The following SLC12A7 variants were observed in gnomAD, a reference collection of about 807,000 sequenced individuals.
The protein encoded by SLC12A7 is solute carrier family 12 member 7.
SLC12A7 carries 100 observed loss-of-function variants against 120.6 expected under a neutral mutation model. The observed-to-expected ratio is 0.83, with a 90% CI of 0.71 to 0.98. The LOEUF is 0.98. Ranked by LOEUF, SLC12A7 falls within the 50% of genes least tolerant of loss-of-function variation. SLC12A7 has a pLI of 0.00. For missense variants in SLC12A7, 1,373 were observed against 1,548.1 expected (o/e 0.89, Z 1.90); for synonymous variants, 760 against 678.0 (o/e 1.12, Z -1.88).
intron 20 of SLC12A7, among the ~76,000 whole-genome samples, chr5:1,060,819 A>AG (rs1736105246): frequency 6.6e-6 from 1 of 152,166 alleles, no homozygotes; most frequent in South Asian, 2.1e-4. Flanking sequence ...GTCTATGCTC[A>AG]GGGGGGCTTG....
rs928090585 is a variant in SLC12A7 at position 1,081,116 on chromosome 5, A to G, written c.1297+461T>C. On this transcript the variant is annotated intron_variant, in intron 9 of 23. Coordinates refer to ENST00000264930, the MANE Select transcript of SLC12A7 (RefSeq NM_006598.3). The stretch of plus-strand genomic sequence containing the variant: ...GGGAAAAGGGTAGGGGGAGAGAGAA[A>G]GAGTGCCGGAGGAGAGAATGACAGA... Among the ~76,000 whole-genome samples the G allele has an allele frequency of 4.1e-3, 15 of 3,658 alleles. No homozygotes were observed. In the Non-Finnish European group the frequency reaches 0.2, roughly 50 times the overall value. The allele number at this position is 3,658 out of a possible 152,430, so 2.4% of individuals were successfully genotyped here.
intron 21 of SLC12A7, among the ~76,000 whole-genome samples, chr5:1,059,582 C>T (rs1440354074): frequency 3.9e-5 from 6 of 152,228 alleles, no homozygotes; most frequent in Non-Finnish European, 7.3e-5. Context: ...TCCTCCAGTG[C>T]GAAGTGACCA....
At position 1,096,809 on chromosome 5, in the gene SLC12A7, G is replaced by GA. The variant is rs1341746362; in HGVS notation, c.125-2562dup. On this transcript the variant is annotated intron_variant, in intron 1 of 23. Coordinates refer to ENST00000264930, the MANE Select transcript of SLC12A7 (RefSeq NM_006598.3). ...GGAGGGAAGGAAGGAGGGAGGGAAGGAAGGAGGGAAGGGAGGGAAGGAAGG... is the reference window on the plus strand; with the variant it reads ...GGAGGGAAGGAAGGAGGGAGGGAAGGAAAGGAGGGAAGGGAGGGAAGGAAGG... Among the ~76,000 whole-genome samples the GA allele has an allele frequency of 7.4e-4, 42 of 56,910 alleles. 6 individuals carry two copies. Among genetic ancestry groups the GA allele is most frequent in the Admixed American group, 1.4e-3 (6 of 4,286 alleles). 37.3% of individuals were successfully genotyped at this position (56,910 alleles called of 152,430 possible).
At chr5:1,103,890 C>G (rs944952281) in intron 1 of SLC12A7, among the ~76,000 whole-genome samples, 4 of 152,250 alleles carry the variant, frequency 2.6e-5, no homozygotes, top group Admixed American at 6.5e-5. Context: ...CCTCCCTCAG[C>G]AGCCAGAGTG....
the SLC12A7 span, among the ~76,000 whole-genome samples, chr5:1,123,517 C>A: frequency 6.6e-6 from 1 of 152,236 alleles, no homozygotes; most frequent in Admixed American, 6.5e-5. Flanking sequence ...GCCAAAGACC[C>A]CCAGATAAAT....
upstream of SLC12A7, among the ~76,000 whole-genome samples, chr5:1,114,201 C>G (rs1393746641): frequency 2.6e-5 from 4 of 152,356 alleles, no homozygotes; most frequent in East Asian, 7.7e-4. Flanking sequence ...TGACTAGGAC[C>G]AGGGGCCATG....
rs919648264 is a variant in SLC12A7, at chr5:1,052,040, G to C, written c.*320C>G. 7.9e-6 allele frequency: 3 copies of C among 377,374 alleles called. No individual in the cohort carries two copies. Among genetic ancestry groups the C allele is most frequent in the Non-Finnish European group, 1.4e-5 (3 of 210,308 alleles). 23.4% of individuals were successfully genotyped at this position (377,374 alleles called of 1,614,324 possible). ...ATCCAGCCAAGGAAAAGAACTTCCAGAAACCAAGGCAAGGGCTCACTGGCT... is the reference window on the plus strand; with the variant it reads ...ATCCAGCCAAGGAAAAGAACTTCCACAAACCAAGGCAAGGGCTCACTGGCT... On this transcript the variant is annotated 3_prime_UTR_variant, in exon 24 of 24. Transcript: ENST00000264930.
rs1287165785 is a variant in SLC12A7, at chr5:1,078,011, C to A, written c.1455-4G>T. 4 of 1,557,086 alleles carry A rather than the reference C, an allele frequency of 2.6e-6. No individual in the cohort carries two copies. Among genetic ancestry groups the A allele is most frequent in the Non-Finnish European group, 3.5e-6 (4 of 1,152,364 alleles). ...CCCCTGCAGGGCCTCCCCGAACCTG[C>A]AGGCAGGCGGGCAGGCGGGCGGGCG... On this transcript the variant is annotated splice_polypyrimidine_tract_variant and splice_region_variant and intron_variant, in intron 11 of 23. Coordinates refer to ENST00000264930, the MANE Select transcript of SLC12A7 (RefSeq NM_006598.3).
Position 1,074,616 on chromosome 5 carries a change from A to C in SLC12A7, c.2023T>G (p.Tyr675Asp). ...IRGLSLNAAR[Y>D]ALLRVEHGPP... is the part of the protein sequence containing the mutation. ...CCGTGCTCCACGCGCAGCAGGGCGTAGCGGGCGGCGTTCAGGGATAGGCCA... is the reference window on the plus strand; with the variant it reads ...CCGTGCTCCACGCGCAGCAGGGCGTCGCGGGCGGCGTTCAGGGATAGGCCA... Residue 675 changes from tyrosine (Y) to aspartate (D), a missense_variant, in exon 16 of 24, where the codon TAC (tyrosine) becomes GAC (aspartate). Transcript: ENST00000264930. 6.2e-7 allele frequency: 1 copy of C among 1,612,848 alleles called. No homozygotes were observed. Among genetic ancestry groups the C allele is most frequent in the Non-Finnish European group, 8.5e-7 (1 of 1,179,930 alleles).
chr5:1,088,184 G>T, intron 5 of SLC12A7, 122 bp downstream of exon 5: 1 of 924,930 alleles, frequency 1.1e-6, no homozygotes, highest in South Asian at 1.6e-5. Flanking sequence ...CAGAAGGCCC[G>T]GCTGAGACCC....
At chr5:1,064,915 G>A (rs1470386902) in intron 18 of SLC12A7, among the ~76,000 whole-genome samples, 1 of 150,464 alleles carries the variant, frequency 6.6e-6, no homozygotes, top group African/African-American at 2.5e-5. Context: ...AGGGGACGGC[G>A]AGGAGATGGT....
chr5:1,153,528 A>G, the SLC12A7 span, among the ~76,000 whole-genome samples: 2 of 152,194 alleles, frequency 1.3e-5, no homozygotes, highest in African/African-American at 4.8e-5. Flanking sequence ...GGAGGAGACC[A>G]GTAGGGTCGG....
the SLC12A7 span, among the ~76,000 whole-genome samples, chr5:1,148,670 A>G: frequency 6.6e-6 from 1 of 152,238 alleles, no homozygotes; most frequent in Non-Finnish European, 1.5e-5. Flanking sequence ...GCAATGGCCA[A>G]CAGTGGGTTT....
At chr5:1,147,545 C>G in the SLC12A7 span, among the ~76,000 whole-genome samples, 1 of 152,156 alleles carries the variant, frequency 6.6e-6, no homozygotes, top group Admixed American at 6.5e-5. Flanking sequence ...TCCACAGCCC[C>G]TCAGCTGAAG....
chr5:1,085,390 C>T lies in SLC12A7; in HGVS notation c.759G>A (p.Val253=). 3 of 1,611,928 alleles carry T rather than the reference C, an allele frequency of 1.9e-6. No individual in the cohort carries two copies. The highest frequency in any genetic ancestry group is 2.5e-6 in the Non-Finnish European group (3 of 1,179,598). Residue 253 remains valine, a synonymous_variant, in exon 7 of 24, where the codon GTG becomes GTA. Coordinates refer to ENST00000264930, the MANE Select transcript of SLC12A7 (RefSeq NM_006598.3). ...EAAAMLHNMR[V]YGTCTLVLMA... ...TGAGCACGAGCGTGCACGTGCCGTA[C>T]ACACGCATGTTGTGCAGCATGGCGG...
chr5:1,050,807 G>T lies in SLC12A7; in HGVS notation c.*1553C>A, dbSNP rs933359963. 1 of 398,594 alleles carries T rather than the reference G, an allele frequency of 2.5e-6. No homozygotes were observed. The highest frequency in any genetic ancestry group is 4.4e-6 in the Non-Finnish European group (1 of 226,038). 24.7% of individuals were successfully genotyped at this position (398,594 alleles called of 1,614,324 possible). On this transcript the variant is annotated 3_prime_UTR_variant, in exon 24 of 24. Coordinates refer to ENST00000264930, the MANE Select transcript of SLC12A7 (RefSeq NM_006598.3). ...TGCTGAGCCCCGCTGTGATGTCTGG[G>T]ACACGCTCTGGGCAGCAGCCGTCAC...
At chr5:1,055,419 C>T (rs1048179039) in intron 22 of SLC12A7, among the ~76,000 whole-genome samples, 10 of 152,188 alleles carry the variant, frequency 6.6e-5, no homozygotes, top group Non-Finnish European at 1.0e-4. Context: ...CTCCCGGGGA[C>T]GTCACAGTAA....
rs779437706 is a variant in SLC12A7 at position 1,073,664 on chromosome 5, T to C, written c.2210A>G (p.Asp737Gly). The C allele has an allele frequency of 6.2e-7, 1 of 1,603,328 alleles. No homozygotes were observed. The highest frequency in any genetic ancestry group is 2.3e-5 in the East Asian group (1 of 43,688). ...GGCCCGCTGAGCCTCCATGTGCTTG[T>C]CCAGGTACGTCCCCTCCAGCACCGA... is the stretch of plus-strand genomic sequence containing the variant. ...VGSVLEGTYL[D>G]KHMEAQRAEE... The change falls in exon 17 of 24, where the codon GAC (aspartate) becomes GGC (glycine). Residue 737 changes from aspartate (D) to glycine (G), a missense_variant. Transcript: ENST00000264930.
chr5:1,151,069 A>C, the SLC12A7 span, among the ~76,000 whole-genome samples: 1 of 152,228 alleles, frequency 6.6e-6, no homozygotes, highest in African/African-American at 2.4e-5. The surrounding 1 kb of genome is among the most constrained non-coding windows in gnomAD (Gnocchi z 6.2). Flanking sequence ...TGGCGGGGCC[A>C]GAGCCTCACT....
Sources: gnomAD v4.1 joint callset for allele counts (sites outside exome capture counted in the v4.1 genomes callset) on GRCh38, gnomAD v4.1.1 for gene constraint, Gnocchi (gnomAD v3.1) non-coding constraint, MANE v1.5 for transcripts, NCBI Gene and HGNC (gene_info 2026-07-23, HGNC 2026-07-21) for gene names.